The following ATP8A1 variants were observed in gnomAD, a reference collection of about 807,000 sequenced individuals.
ATP8A1 encodes the protein phospholipid-transporting ATPase IA.
Under a neutral mutation model 177.7 loss-of-function variants are expected in ATP8A1, and 90 were observed. The observed-to-expected ratio is 0.51, with a 90% CI of 0.43 to 0.60. The LOEUF (loss-of-function observed/expected upper bound fraction) is 0.60, where lower values mean the gene tolerates loss of function less well. Ranked by LOEUF, ATP8A1 falls within the 20% of genes least tolerant of loss-of-function variation. ATP8A1 has a pLI of 0.00. For synonymous variants in ATP8A1, 493 were observed against 485.9 expected (o/e 1.01, Z -0.19); for missense variants, 1,072 against 1,392.8 (o/e 0.77, Z 3.67).
intron 5 of ATP8A1, among the ~76,000 whole-genome samples, chr4:42,610,667 C>T (rs534878773): frequency 1.3e-5 from 2 of 151,802 alleles, no homozygotes; most frequent in South Asian, 4.2e-4. Context: ...CTGCTGAAGA[C>T]ATCTAACCAG....
At chr4:42,444,149 T>A (rs893673143) in intron 32 of ATP8A1, among the ~76,000 whole-genome samples, 1 of 152,176 alleles carries the variant, frequency 6.6e-6, no homozygotes, top group Non-Finnish European at 1.5e-5. Flanking sequence ...AACTAACGTA[T>A]CTAAAATGGA....
chr4:42,430,101 A>G (rs1231044676), intron 33 of ATP8A1, among the ~76,000 whole-genome samples: 1 of 152,234 alleles, frequency 6.6e-6, no homozygotes, highest in Non-Finnish European at 1.5e-5. Flanking sequence ...TACACTTAAA[A>G]TGATAAATAC....
intron 15 of ATP8A1, among the ~76,000 whole-genome samples, chr4:42,566,659 A>G (rs1255484252): frequency 6.6e-6 from 1 of 152,240 alleles, no homozygotes; most frequent in Non-Finnish European, 1.5e-5. Flanking sequence ...AAAGAGAAAT[A>G]TCAAGGTAAA....
At chr4:42,519,611 G>A (rs1228099297) in intron 22 of ATP8A1, among the ~76,000 whole-genome samples, 1 of 152,164 alleles carries the variant, frequency 6.6e-6, no homozygotes, top group East Asian at 1.9e-4. Flanking sequence ...TTGTGCATGA[G>A]CATGTAAACA....
At chr4:42,468,095 AC>A (rs1324610467) in intron 25 of ATP8A1, among the ~76,000 whole-genome samples, 1 of 152,004 alleles carries the variant, frequency 6.6e-6, no homozygotes, top group African/African-American at 2.4e-5. Context: ...TGGTGTGGAT[AC>A]GGTGATCAGG....
At chr4:42,464,548 CT>C in intron 27 of ATP8A1, 141 bp downstream of exon 27, 1 of 551,466 alleles carries the variant, frequency 1.8e-6, no homozygotes, top group Non-Finnish European at 3.2e-6. Context: ...TACAGGCCAC[CT>C]TTTTGTTTTA....
chr4:42,532,312 C>A (rs1727347197), intron 20 of ATP8A1, among the ~76,000 whole-genome samples: 1 of 152,012 alleles, frequency 6.6e-6, no homozygotes. Context: ...TGGTGAGACC[C>A]TGTCTCTACA....
chr4:42,567,111 C>T (rs1731430790), intron 15 of ATP8A1, among the ~76,000 whole-genome samples: 1 of 152,220 alleles, frequency 6.6e-6, no homozygotes. Context: ...TGCTTAGTAT[C>T]CAAAGCCCAC....
At chr4:42,536,259 A>G (rs149805944) in intron 20 of ATP8A1, among the ~76,000 whole-genome samples, 20 of 152,362 alleles carry the variant, frequency 1.3e-4, no homozygotes, top group Non-Finnish European at 2.9e-4. Context: ...AGTTAGAAAC[A>G]AAATAGGAGA....
intron 15 of ATP8A1, among the ~76,000 whole-genome samples, chr4:42,563,782 T>A (rs1731080881): frequency 6.6e-6 from 1 of 152,172 alleles, no homozygotes; most frequent in African/African-American, 2.4e-5. Context: ...GTTGAGCCTG[T>A]GGGTACACAG....
At chr4:42,528,375 ACC>A (rs200643390) in intron 20 of ATP8A1, among the ~76,000 whole-genome samples, 2,923 of 152,216 alleles carry the variant, frequency 0.019, 45 homozygotes, top group Non-Finnish European at 0.027. Context: ...GATTAGTGCC[ACC>A]ATCAAGGACT....
Position 42,575,629 on chromosome 4 carries a change from A to C in ATP8A1, c.1199T>G (p.Leu400Arg). ...MARTSNLNEE[L>R]GQVKYIFSDK... is the part of the protein sequence containing the mutation. ...ACAATAAATTGAGTTTACCTGGCCAAGTTCCTCATTCAGATTAGATGTTCG... is the reference window on the plus strand; with the variant it reads ...ACAATAAATTGAGTTTACCTGGCCACGTTCCTCATTCAGATTAGATGTTCG... The change falls in exon 13 of 37, where the codon CTT (leucine) becomes CGT (arginine). Residue 400 changes from leucine to arginine, a missense_variant. By Grantham distance (102) the Leu-to-Arg change is moderately radical. Coordinates refer to ENST00000381668, the MANE Select transcript of ATP8A1 (RefSeq NM_006095.2). The C allele has an allele frequency of 6.2e-7, 1 of 1,613,422 alleles. No individual in the cohort carries two copies. The highest frequency in any genetic ancestry group is 8.5e-7 in the Non-Finnish European group (1 of 1,179,544).
intron 33 of ATP8A1, among the ~76,000 whole-genome samples, chr4:42,434,104 T>A (rs1715630642): frequency 6.6e-6 from 1 of 152,118 alleles, no homozygotes; most frequent in Non-Finnish European, 1.5e-5. Flanking sequence ...AAAAACATAA[T>A]TCGTTTTATT....
chr4:42,491,211 T>C (rs1391229579), intron 24 of ATP8A1, among the ~76,000 whole-genome samples: 4 of 152,182 alleles, frequency 2.6e-5, no homozygotes, highest in Non-Finnish European at 5.9e-5. Context: ...TTAGATCAGC[T>C]ACTTAGTCAT....
At chr4:42,493,739 T>C (rs1722960265) in intron 24 of ATP8A1, among the ~76,000 whole-genome samples, 1 of 152,186 alleles carries the variant, frequency 6.6e-6, no homozygotes. Flanking sequence ...ATCACATTTT[T>C]CTCATTCATA....
chr4:42,472,070 C>A, intron 25 of ATP8A1: 1 of 719,238 alleles, frequency 1.4e-6, no homozygotes, highest in South Asian at 1.4e-5. Flanking sequence ...AGAAAAAGTT[C>A]AGTGGGAAGC....
chr4:42,632,503 A>C (rs2109512152), intron 1 of ATP8A1, among the ~76,000 whole-genome samples: 1 of 152,354 alleles, frequency 6.6e-6, no homozygotes, highest in Non-Finnish European at 1.5e-5. Flanking sequence ...AAAATGGCCA[A>C]ATGCTATTTC....
At chr4:42,600,639 G>C (rs1735155956) in intron 5 of ATP8A1, 121 bp from the exon 6 acceptor site, 1 of 820,988 alleles carries the variant, frequency 1.2e-6, no homozygotes, top group African/African-American at 1.8e-5. Flanking sequence ...ATTTTTATAG[G>C]TTAAAATTCT....
At chr4:42,590,709 A>G (rs1734076071) in intron 7 of ATP8A1, 102 bp downstream of exon 7, 1 of 1,067,552 alleles carries the variant, frequency 9.4e-7, no homozygotes, top group Admixed American at 2.0e-5. Flanking sequence ...TTTGTGTTTT[A>G]AAGGAAGAGA....
Sources: allele counts gnomAD v4.1 joint callset (sites outside exome capture counted in the v4.1 genomes callset), GRCh38; gene constraint gnomAD v4.1.1; transcripts MANE v1.5; gene names NCBI Gene and HGNC (gene_info 2026-07-23, HGNC 2026-07-21).